SH3GL2: variants seen among roughly 807,000 people sequenced by gnomAD.
SH3GL2 encodes the protein endophilin-A1.
SH3GL2 carries 24 observed loss-of-function variants against 46.0 expected under a neutral mutation model. That is an observed-to-expected ratio of 0.52 (90% CI 0.38 to 0.73). The LOEUF is 0.73. SH3GL2 is among the 30% of genes least tolerant of loss of function. SH3GL2 has a pLI of 0.00. For missense variants in SH3GL2, 413 were observed against 424.2 expected (o/e 0.97, Z 0.23); for synonymous variants, 196 against 147.1 (o/e 1.33, Z -2.40).
chr9:17,589,200 C>T (rs1818433231), intron 1 of SH3GL2: 1 of 152,166 alleles, frequency 6.6e-6, no homozygotes, highest in South Asian at 2.1e-4. Flanking sequence ...CCTTTTGAAA[C>T]TGTCGTCCAG....
chr9:17,790,196 A>G (rs1206278603), intron 6 of SH3GL2, among the ~76,000 whole-genome samples: 2 of 152,192 alleles, frequency 1.3e-5, no homozygotes, highest in Non-Finnish European at 2.9e-5. Context: ...TTTTTATTCT[A>G]TCTGGGTCCT....
rs187239115 is a variant in SH3GL2 at position 17,608,473 on chromosome 9, A to G, written c.45+29186A>G. On this transcript the variant is annotated intron_variant, in intron 1 of 8. Coordinates refer to ENST00000380607, the MANE Select transcript of SH3GL2 (RefSeq NM_003026.5). Reference sequence around the variant, plus strand: ...AATCTGTTAATGGAAACTTTGATAAATACAATGAACAGATTTGGTTCTTCC... The same window carrying G: ...AATCTGTTAATGGAAACTTTGATAAGTACAATGAACAGATTTGGTTCTTCC... Among the ~76,000 whole-genome samples the G allele has an allele frequency of 1.4e-4, 22 of 152,310 alleles. No homozygotes were observed. The East Asian group carries it at 4.2e-3, about 29-fold the overall frequency.
intron 3 of SH3GL2, among the ~76,000 whole-genome samples, chr9:17,785,206 T>C (rs77555827): frequency 0.07 from 10,614 of 152,226 alleles, 795 homozygotes; most frequent in African/African-American, 0.19. Context: ...CCCCAACTGA[T>C]GAGGACAGTG....
rs572532407 is a variant in SH3GL2 at position 17,650,637 on chromosome 9, G to C, written c.45+71350G>C. 5.9e-5 allele frequency among the ~76,000 whole-genome samples: 9 copies of C among 152,322 alleles called. No individual in the cohort carries two copies. In the South Asian group the frequency reaches 1.9e-3, roughly 32 times the overall value. On this transcript the variant is annotated intron_variant, in intron 1 of 8. Coordinates refer to ENST00000380607, the MANE Select transcript of SH3GL2 (RefSeq NM_003026.5). ...CTCCCAAAGTGCTGGGATTACAGGC[G>C]TGAGTCACCACGCTCGGCCTTGTCT...
chr9:17,662,049 A>T lies in SH3GL2; in HGVS notation c.45+82762A>T, dbSNP rs373024849. ...TACTCTTTTAAATTTGTTGGGTTTTAAAAATGACCCTTAACTGTCCAATAC... is the reference window on the plus strand; with the variant it reads ...TACTCTTTTAAATTTGTTGGGTTTTTAAAATGACCCTTAACTGTCCAATAC... On this transcript the variant is annotated intron_variant, in intron 1 of 8. Coordinates refer to ENST00000380607, the MANE Select transcript of SH3GL2 (RefSeq NM_003026.5). Among the ~76,000 whole-genome samples, 67 of 152,322 alleles carry T rather than the reference A, an allele frequency of 4.4e-4. 1 individual carries two copies. Among genetic ancestry groups the T allele is most frequent in the African/African-American group, 1.6e-3 (67 of 41,576 alleles).
intron 1 of SH3GL2, among the ~76,000 whole-genome samples, chr9:17,714,308 A>G (rs1320686299): frequency 1.3e-5 from 2 of 151,686 alleles, no homozygotes; most frequent in Non-Finnish European, 3.0e-5. Context: ...CTTTTATCCA[A>G]TCTGAAAATC....
intron 1 of SH3GL2, among the ~76,000 whole-genome samples, chr9:17,732,442 G>A (rs1020974553): frequency 6.6e-6 from 1 of 152,142 alleles, no homozygotes; most frequent in Non-Finnish European, 1.5e-5. Context: ...GTCTGTTAAT[G>A]TATTCTGGAG....
chr9:17,649,253 G>A (rs1819896920), intron 1 of SH3GL2, among the ~76,000 whole-genome samples: 1 of 152,164 alleles, frequency 6.6e-6, no homozygotes, highest in African/African-American at 2.4e-5. Context: ...TTTTAGTAGA[G>A]GCAGGGTTTT....
At chr9:17,670,963 G>C (rs1317555272) in intron 1 of SH3GL2, among the ~76,000 whole-genome samples, 3 of 152,202 alleles carry the variant, frequency 2.0e-5, no homozygotes, top group Non-Finnish European at 2.9e-5. Flanking sequence ...AGCACCAGGT[G>C]ATGCTGAGGC....
chr9:17,663,047 A>T (rs1267944956), intron 1 of SH3GL2, among the ~76,000 whole-genome samples: 1 of 152,190 alleles, frequency 6.6e-6, no homozygotes, highest in Non-Finnish European at 1.5e-5. Flanking sequence ...GATATATTCT[A>T]GTGGAAAAGG....
intron 1 of SH3GL2, among the ~76,000 whole-genome samples, chr9:17,745,173 T>C (rs1588295552): frequency 1.3e-5 from 2 of 152,340 alleles, no homozygotes; most frequent in East Asian, 3.9e-4. Flanking sequence ...GGTACACATA[T>C]TAAATGATAA....
chr9:17,785,071 G>T (rs950406712), intron 3 of SH3GL2, among the ~76,000 whole-genome samples: 2 of 152,150 alleles, frequency 1.3e-5, no homozygotes, highest in African/African-American at 4.8e-5. Flanking sequence ...AAGCAAATAA[G>T]AAATGAATTT....
intron 1 of SH3GL2, among the ~76,000 whole-genome samples, chr9:17,579,676 GTC>G (rs1441638569): frequency 3.3e-5 from 5 of 152,212 alleles, no homozygotes. Context: ...ACCTTGCGGA[GTC>G]GGTGCACCCG....
intron 1 of SH3GL2, among the ~76,000 whole-genome samples, chr9:17,588,300 C>T (rs929502302): frequency 6.6e-6 from 1 of 152,186 alleles, no homozygotes; most frequent in East Asian, 1.9e-4. Flanking sequence ...GTGACTCTTG[C>T]TCTTGTGTAC....
chr9:17,780,373 A>G (rs1823767692), intron 3 of SH3GL2, among the ~76,000 whole-genome samples: 1 of 151,994 alleles, frequency 6.6e-6, no homozygotes, highest in Non-Finnish European at 1.5e-5. Flanking sequence ...TGCTCTGTAG[A>G]ATTCCCTTGT....
chr9:17,631,863 T>G (rs1447752929), intron 1 of SH3GL2, among the ~76,000 whole-genome samples: 1 of 152,230 alleles, frequency 6.6e-6, no homozygotes, highest in Non-Finnish European at 1.5e-5. Flanking sequence ...CTTGCTTACA[T>G]GCTGATGTTT....
chr9:17,648,248 A>G (rs1024353581), intron 1 of SH3GL2, among the ~76,000 whole-genome samples: 4 of 152,168 alleles, frequency 2.6e-5, no homozygotes, highest in African/African-American at 7.2e-5. Flanking sequence ...CAAGGATTCC[A>G]CTTGTATATA....
chr9:17,663,556 C>T (rs190653522), intron 1 of SH3GL2, among the ~76,000 whole-genome samples: 3 of 152,266 alleles, frequency 2.0e-5, no homozygotes, highest in African/African-American at 7.2e-5. Context: ...CGTGACCACT[C>T]AGGGTTCTGA....
chr9:17,682,777 T>A (rs139035769), intron 1 of SH3GL2, among the ~76,000 whole-genome samples: 207 of 152,052 alleles, frequency 1.4e-3, no homozygotes, highest in African/African-American at 4.7e-3. Flanking sequence ...TTCTAAGAGG[T>A]AGCATTTTAA....
Sources: gnomAD v4.1 joint callset for allele counts (sites outside exome capture counted in the v4.1 genomes callset) on GRCh38, gnomAD v4.1.1 for gene constraint, MANE v1.5 for transcripts, NCBI Gene and HGNC (gene_info 2026-07-23, HGNC 2026-07-21) for gene names.